The following ADRA1B variants were observed in gnomAD, a reference collection of about 807,000 sequenced individuals.
The protein encoded by ADRA1B is adrenoceptor alpha 1B.
ADRA1B carries 17 observed loss-of-function variants against 17.9 expected under a neutral mutation model. The observed-to-expected ratio is 0.95, with a 90% CI of 0.65 to 1.42. ADRA1B has a LOEUF of 1.42. Among genes scored for constraint, ADRA1B ranks in the 40% most tolerant of loss-of-function variants. The pLI is 0.00. For synonymous variants in ADRA1B, 366 were observed against 327.6 expected, an observed-to-expected ratio of 1.12 and a Z score of -1.27; for missense variants, 681 against 722.1, an observed-to-expected ratio of 0.94 and a Z score of 0.65.
chr5:159,883,928 A>C (rs1033202116), intron 1 of ADRA1B, among the ~76,000 whole-genome samples: 1 of 152,182 alleles, frequency 6.6e-6, no homozygotes. Context: ...CTATGAGGCA[A>C]TAGGCTCATA....
upstream of ADRA1B, among the ~76,000 whole-genome samples, chr5:159,915,953 G>A (rs1754289547): frequency 6.6e-6 from 1 of 152,222 alleles, no homozygotes; most frequent in South Asian, 2.1e-4. Flanking sequence ...CTGAATAAAT[G>A]AGTGAATGCC....
At chr5:159,949,886 T>C (rs1376835671) in intron 1 of ADRA1B, among the ~76,000 whole-genome samples, 1 of 152,228 alleles carries the variant, frequency 6.6e-6, no homozygotes, top group African/African-American at 2.4e-5. Flanking sequence ...TCCTCTTGCA[T>C]CCTGTTCCTT....
intron 1 of ADRA1B, among the ~76,000 whole-genome samples, chr5:159,949,052 G>A (rs1291619062): frequency 2.0e-5 from 3 of 152,188 alleles, no homozygotes; most frequent in Non-Finnish European, 2.9e-5. Flanking sequence ...CAGCCTGACT[G>A]CAGAGCTAGC....
intron 1 of ADRA1B, among the ~76,000 whole-genome samples, chr5:159,910,559 G>T (rs1440130892): frequency 6.6e-6 from 1 of 152,184 alleles, no homozygotes; most frequent in Non-Finnish European, 1.5e-5. Context: ...CAAAGGTCCA[G>T]GGAGTAAATA....
chr5:159,982,814 C>T, the ADRA1B span, among the ~76,000 whole-genome samples: 5,771 of 152,196 alleles, frequency 0.038, 139 homozygotes, highest in Non-Finnish European at 0.05. Flanking sequence ...GAGGGAGGCA[C>T]GAAGCCTGCT....
At chr5:159,948,188 A>G in intron 1 of ADRA1B, 1 of 985,402 alleles carries the variant, frequency 1.0e-6, no homozygotes, top group Non-Finnish European at 1.2e-6. Context: ...CATGTTCTCT[A>G]AGTCCAGACA....
At chr5:159,907,770 TTAAA>T (rs755271281) in intron 1 of ADRA1B, among the ~76,000 whole-genome samples, 87 of 152,270 alleles carry the variant, frequency 5.7e-4, no homozygotes, top group Non-Finnish European at 1.0e-3. Context: ...AGATAGAAGC[TTAAA>T]TAAATAAAGT....
At chr5:159,870,149 G>T (rs1753717958) in intron 1 of ADRA1B, 1 of 152,196 alleles carries the variant, frequency 6.6e-6, no homozygotes, top group African/African-American at 2.4e-5. Context: ...CAGAGAGGAA[G>T]GAGACTCATC....
At chr5:159,877,707 T>A (rs10051224) in intron 1 of ADRA1B, among the ~76,000 whole-genome samples, 1 of 152,136 alleles carries the variant, frequency 6.6e-6, no homozygotes, top group African/African-American at 2.4e-5. Context: ...CCCCATAAGG[T>A]AGGTACTGTC....
chr5:159,983,540 A>G, the ADRA1B span, among the ~76,000 whole-genome samples: 1 of 152,192 alleles, frequency 6.6e-6, no homozygotes, highest in Non-Finnish European at 1.5e-5. Flanking sequence ...CACGCTTAAG[A>G]TACAGTGATG....
intron 1 of ADRA1B, among the ~76,000 whole-genome samples, chr5:159,865,721 G>A (rs1166499856): frequency 6.6e-6 from 1 of 152,096 alleles, no homozygotes; most frequent in African/African-American, 2.4e-5. Context: ...TCCCTTTTAC[G>A]ACATGCTTGT....
At position 159,968,765 on chromosome 5, in the gene ADRA1B, G is replaced by C. The variant is rs79179264; in HGVS notation, c.950-3114G>C. 4.6e-5 allele frequency among the ~76,000 whole-genome samples: 7 copies of C among 152,174 alleles called. No homozygotes were observed. In the East Asian group the frequency reaches 1.4e-3, roughly 29 times the overall value. On this transcript the variant is annotated intron_variant, in intron 1 of 1. Transcript: ENST00000306675. ...TTCCCCAAATTTTCTTTTTTGTAGA[G>C]ACAGGAATCTCACTATGTTGCCCCG... is the stretch of plus-strand genomic sequence containing the variant.
intron 1 of ADRA1B, among the ~76,000 whole-genome samples, chr5:159,958,369 G>A (rs182785409): frequency 5.5e-4 from 83 of 152,176 alleles, no homozygotes; most frequent in African/African-American, 2.0e-3. Context: ...AAATTCTCAT[G>A]GATATTTGGT....
intron 1 of ADRA1B, among the ~76,000 whole-genome samples, chr5:159,894,452 T>C (rs191968883): frequency 1.7e-5 from 2 of 117,510 alleles, no homozygotes; most frequent in Admixed American, 1.5e-4. Flanking sequence ...ATATTCACAG[T>C]TCTGTCTCCA....
intron 1 of ADRA1B, among the ~76,000 whole-genome samples, chr5:159,909,354 C>A (rs1040605078): frequency 1.2e-4 from 18 of 152,300 alleles, no homozygotes; most frequent in African/African-American, 4.1e-4. Flanking sequence ...CCTGGTCTGT[C>A]CTCTCCAAAG....
At chr5:159,876,589 G>T (rs1177118487) in intron 1 of ADRA1B, among the ~76,000 whole-genome samples, 1 of 152,134 alleles carries the variant, frequency 6.6e-6, no homozygotes, top group Admixed American at 6.5e-5. Flanking sequence ...AGCAGAGGGG[G>T]GTCCATCTTA....
At chr5:159,962,930 CTTTTCTTTTTTT>C (rs1435047566) in intron 1 of ADRA1B, among the ~76,000 whole-genome samples, 1 of 57,410 alleles carries the variant, frequency 1.7e-5, no homozygotes, top group African/African-American at 7.4e-5. Flanking sequence ...TTTTTCTTTT[CTTTTCTTTTTTT>C]TTTTTTTTTT....
chr5:159,964,304 C>G (rs1364372646), intron 1 of ADRA1B, among the ~76,000 whole-genome samples: 1 of 152,202 alleles, frequency 6.6e-6, no homozygotes, highest in African/African-American at 2.4e-5. Context: ...GTCTTCAGCA[C>G]CTCTCAACCA....
intron 1 of ADRA1B, among the ~76,000 whole-genome samples, chr5:159,956,094 A>G (rs1755545892): frequency 6.6e-6 from 1 of 152,050 alleles, no homozygotes; most frequent in Non-Finnish European, 1.5e-5. Context: ...AAAGTTTTCA[A>G]TTGGCCAGGC....
Sources: allele counts gnomAD v4.1 joint callset (sites outside exome capture counted in the v4.1 genomes callset), GRCh38; gene constraint gnomAD v4.1.1; transcripts MANE v1.5; gene names NCBI Gene and HGNC (gene_info 2026-07-23, HGNC 2026-07-21).